The following MITF variants were observed in gnomAD, a reference collection of about 807,000 sequenced individuals.
The protein encoded by MITF is melanocyte inducing transcription factor, also known as microphthalmia-associated transcription factor.
Under a neutral mutation model 60.5 loss-of-function variants are expected in MITF, and 17 were observed. The observed-to-expected ratio is 0.28, with a 90% confidence interval of 0.19 to 0.42. The LOEUF (loss-of-function observed/expected upper bound fraction) is 0.42, where lower values mean the gene tolerates loss of function less well. Among genes scored for constraint, MITF ranks in the 10% least tolerant of loss-of-function variants. The pLI, the probability that MITF is intolerant of heterozygous loss-of-function variation, is 1.00. For synonymous variants in MITF, 260 were observed against 248.5 expected, an observed-to-expected ratio of 1.05 and a Z score of -0.43; for missense variants, 622 against 683.5, an observed-to-expected ratio of 0.91 and a Z score of 1.00.
At chr3:69,902,022 A>G (rs2065004765) in intron 2 of MITF, among the ~76,000 whole-genome samples, 1 of 152,184 alleles carries the variant, frequency 6.6e-6, no homozygotes, top group Non-Finnish European at 1.5e-5. Context: ...TTTGCTTTGC[A>G]TTGGCAACTG....
chr3:69,800,044 C>T (rs1032995639), intron 1 of MITF, among the ~76,000 whole-genome samples: 10 of 152,128 alleles, frequency 6.6e-5, no homozygotes, highest in African/African-American at 1.9e-4. Context: ...TAGCTGTCAC[C>T]ATTATCTAAT....
intron 2 of MITF, among the ~76,000 whole-genome samples, chr3:69,880,527 A>C (rs2064462304): frequency 6.6e-6 from 1 of 152,134 alleles, no homozygotes; most frequent in South Asian, 2.1e-4. Context: ...GTTTTACTCT[A>C]ATGTGATTGT....
chr3:69,835,461 C>A (rs889600652), intron 1 of MITF, among the ~76,000 whole-genome samples: 1 of 152,246 alleles, frequency 6.6e-6, no homozygotes. Flanking sequence ...TTTTGCTTTG[C>A]AAAAGCTTTT....
intron 1 of MITF, among the ~76,000 whole-genome samples, chr3:69,855,098 G>C (rs2320171): frequency 2.7e-5 from 4 of 150,550 alleles, no homozygotes; most frequent in African/African-American, 9.8e-5. Flanking sequence ...TTTACCCCCC[G>C]CCCCCCAGGG....
At chr3:69,829,529 G>A (rs970630455) in intron 1 of MITF, among the ~76,000 whole-genome samples, 1 of 152,086 alleles carries the variant, frequency 6.6e-6, no homozygotes, top group Non-Finnish European at 1.5e-5. Flanking sequence ...TTCAGCCATC[G>A]TTTATTGAGG....
At chr3:69,801,056 C>CTT (rs74944767) in intron 1 of MITF, among the ~76,000 whole-genome samples, 23,115 of 140,666 alleles carry the variant, frequency 0.16, 2,037 homozygotes, top group South Asian at 0.21. Flanking sequence ...CCTTGTGTAA[C>CTT]TTTTTTTTTT....
chr3:69,877,317 A>G (rs1310989173), intron 1 of MITF, among the ~76,000 whole-genome samples: 3 of 152,302 alleles, frequency 2.0e-5, no homozygotes, highest in East Asian at 3.9e-4. Flanking sequence ...TGTCCATCAC[A>G]ACATTTCTGA....
At chr3:69,746,106 G>C (rs1361858448) in intron 1 of MITF, among the ~76,000 whole-genome samples, 1 of 152,234 alleles carries the variant, frequency 6.6e-6, no homozygotes, top group Non-Finnish European at 1.5e-5. Flanking sequence ...GGTATGATTA[G>C]AGGGAACACT....
intron 2 of MITF, among the ~76,000 whole-genome samples, chr3:69,886,247 C>T (rs529014662): frequency 2.0e-5 from 3 of 152,206 alleles, no homozygotes; most frequent in South Asian, 4.2e-4. Flanking sequence ...ATAGGAATTA[C>T]TGATGTGAAC....
At chr3:69,938,763 A>G (rs978938057) in intron 3 of MITF, 44 of 1,321,134 alleles carry the variant, frequency 3.3e-5, no homozygotes, top group Non-Finnish European at 3.9e-5. Context: ...GATGAGCTTC[A>G]TCTCAATGGG....
chr3:69,864,710 A>G (rs887792472), intron 1 of MITF, among the ~76,000 whole-genome samples: 1 of 151,900 alleles, frequency 6.6e-6, no homozygotes, highest in Non-Finnish European at 1.5e-5. Context: ...CAGATCCTTC[A>G]TGGTCTGGTC....
At chr3:69,901,484 C>A (rs2064994520) in intron 2 of MITF, among the ~76,000 whole-genome samples, 1 of 152,074 alleles carries the variant, frequency 6.6e-6, no homozygotes, top group African/African-American at 2.4e-5. Context: ...TTCTGTTCAT[C>A]TCCTATCCCT....
chr3:69,780,488 T>G (rs192396571), intron 1 of MITF, among the ~76,000 whole-genome samples: 62 of 152,318 alleles, frequency 4.1e-4, no homozygotes, highest in Non-Finnish European at 7.1e-4. Flanking sequence ...GTAAATTGAG[T>G]GGCTTAAAGA....
rs1032907220 is a variant in MITF, at chr3:69,866,438, G to C, written c.105-12696G>C. The C allele has an allele frequency of 2.7e-6, 4 of 1,482,802 alleles. No individual in the cohort carries two copies. The African/African-American group carries it at 4.3e-5, about 16-fold the overall frequency. 91.9% of individuals were successfully genotyped at this position (1,482,802 alleles called of 1,614,324 possible). On this transcript the variant is annotated intron_variant, in intron 1 of 9. Coordinates refer to ENST00000352241, the MANE Select transcript of MITF (RefSeq NM_001354604.2). ...AAGGGGGAGGATAAAGGAAGAGAAG[G>C]GTTTATTGGGAGTTAAAAATACTGA...
At chr3:69,869,101 G>A (rs2064173125) in intron 1 of MITF, among the ~76,000 whole-genome samples, 1 of 152,244 alleles carries the variant, frequency 6.6e-6, no homozygotes, top group African/African-American at 2.4e-5. Context: ...GAATAAGGGT[G>A]CACCAACTCT....
intron 1 of MITF, among the ~76,000 whole-genome samples, chr3:69,788,208 A>G (rs918078920): frequency 1.3e-5 from 2 of 150,876 alleles, no homozygotes; most frequent in Non-Finnish European, 2.9e-5. Context: ...ATATGTATAC[A>G]TGTGCCATGT....
At chr3:69,872,474 T>G (rs1575854255) in intron 1 of MITF, among the ~76,000 whole-genome samples, 1 of 152,338 alleles carries the variant, frequency 6.6e-6, no homozygotes, top group African/African-American at 2.4e-5. Flanking sequence ...ATTTGATTTA[T>G]AAGTTATGTA....
At chr3:69,806,067 G>A (rs537854897) in intron 1 of MITF, among the ~76,000 whole-genome samples, 1 of 151,600 alleles carries the variant, frequency 6.6e-6, no homozygotes, top group Non-Finnish European at 1.5e-5. Context: ...TGGGGTCCAC[G>A]GTATCTGTTA....
At chr3:69,771,358 T>G (rs2062391789) in intron 1 of MITF, among the ~76,000 whole-genome samples, 1 of 152,194 alleles carries the variant, frequency 6.6e-6, no homozygotes. Flanking sequence ...CGCTCTGACT[T>G]TGAGTATTTG....
Sources: gnomAD v4.1 joint callset for allele counts (sites outside exome capture counted in the v4.1 genomes callset) on GRCh38, gnomAD v4.1.1 for gene constraint, MANE v1.5 for transcripts, NCBI Gene and HGNC (gene_info 2026-07-23, HGNC 2026-07-21) for gene names.